EYA2: variants seen among roughly 807,000 people sequenced by gnomAD.
The protein encoded by EYA2 is protein phosphatase EYA2.
A neutral mutation model predicts 69.2 loss-of-function variants in EYA2; 31 were observed. The observed-to-expected ratio is 0.45, with a 90% CI of 0.34 to 0.60. EYA2 has a LOEUF of 0.60. Among genes scored for constraint, EYA2 ranks in the 20% least tolerant of loss-of-function variants. The pLI is 0.02. For synonymous variants in EYA2, 257 were observed against 279.4 expected (o/e 0.92, Z 0.80); for missense variants, 622 against 701.2 (o/e 0.89, Z 1.28).
At position 47,021,160 on chromosome 20, in the gene EYA2, T is replaced by C. The variant is rs6018234; in HGVS notation, c.415+4863T>C. The stretch of plus-strand genomic sequence containing the variant: ...TTATCGTTATTATGATTGACATTGT[T>C]AGCCTCACTTCAGGTTTGATGGGCC... On this transcript the variant is annotated intron_variant, in intron 5 of 15. Coordinates refer to ENST00000327619, the MANE Select transcript of EYA2 (RefSeq NM_005244.5). 7.1e-3 allele frequency among the ~76,000 whole-genome samples: 1,079 copies of C among 152,364 alleles called. 8 individuals carry two copies. The highest frequency in any genetic ancestry group is 0.025 in the African/African-American group (1,024 of 41,590).
chr20:46,913,568 C>T (rs766371145), intron 1 of EYA2, among the ~76,000 whole-genome samples: 5 of 133,238 alleles, frequency 3.8e-5, no homozygotes, highest in South Asian at 2.7e-4. Context: ...GCAGGAAAAC[C>T]GTTAAGAGAC....
chr20:47,125,047 GTTTT>G (rs11478823), intron 9 of EYA2, among the ~76,000 whole-genome samples: 14 of 88,400 alleles, frequency 1.6e-4, no homozygotes, highest in African/African-American at 4.1e-4. Flanking sequence ...TTTTGGTTAA[GTTTT>G]TTTTTTTTTT....
chr20:46,994,964 G>C (rs1021269435), intron 2 of EYA2, among the ~76,000 whole-genome samples: 1 of 151,518 alleles, frequency 6.6e-6, no homozygotes, highest in African/African-American at 2.4e-5. Context: ...GCAGTGGCAC[G>C]ATCTCGGCTC....
intron 1 of EYA2, among the ~76,000 whole-genome samples, chr20:46,969,173 A>G (rs1397580440): frequency 6.6e-6 from 1 of 152,038 alleles, no homozygotes; most frequent in Non-Finnish European, 1.5e-5. Flanking sequence ...TTCCTCCGCT[A>G]CTGGATTGCC....
At chr20:46,968,883 A>G (rs1000310881) in intron 1 of EYA2, among the ~76,000 whole-genome samples, 2 of 151,450 alleles carry the variant, frequency 1.3e-5, no homozygotes, top group African/African-American at 4.9e-5. Flanking sequence ...ACGTTTCTGA[A>G]CCTCTCTTTC....
intron 7 of EYA2, among the ~76,000 whole-genome samples, chr20:47,082,268 T>C (rs1388509602): frequency 1.3e-5 from 2 of 152,168 alleles, no homozygotes; most frequent in Non-Finnish European, 2.9e-5. Flanking sequence ...TTTAACTTAA[T>C]TTAAAATTTT....
At chr20:47,082,837 G>A (rs2031768302) in intron 7 of EYA2, among the ~76,000 whole-genome samples, 1 of 152,186 alleles carries the variant, frequency 6.6e-6, no homozygotes, top group Non-Finnish European at 1.5e-5. Flanking sequence ...TAAAGCCACA[G>A]TACTTAAGAC....
At chr20:47,123,142 T>C (rs2033095456) in intron 9 of EYA2, among the ~76,000 whole-genome samples, 2 of 152,330 alleles carry the variant, frequency 1.3e-5, no homozygotes, top group Admixed American at 1.3e-4. Context: ...AAAGAGTTTT[T>C]GTAGATAAGC....
At chr20:46,922,280 G>C (rs1369088392) in intron 1 of EYA2, among the ~76,000 whole-genome samples, 1 of 152,170 alleles carries the variant, frequency 6.6e-6, no homozygotes, top group Non-Finnish European at 1.5e-5. Context: ...GTAATCAGAA[G>C]AGTTACACTA....
At chr20:46,940,574 T>C (rs1986112004) in intron 1 of EYA2, among the ~76,000 whole-genome samples, 1 of 152,168 alleles carries the variant, frequency 6.6e-6, no homozygotes, top group Admixed American at 6.5e-5. Context: ...ATGATATGGA[T>C]ATCAAAGAAA....
At chr20:47,164,190 C>T (rs941720147) in intron 10 of EYA2, among the ~76,000 whole-genome samples, 6 of 152,156 alleles carry the variant, frequency 3.9e-5, no homozygotes, top group African/African-American at 9.7e-5. Flanking sequence ...GGCCTCTGCG[C>T]GGTCCAGCTC....
chr20:47,067,958 G>A (rs779771402), intron 5 of EYA2, among the ~76,000 whole-genome samples: 8 of 152,006 alleles, frequency 5.3e-5, no homozygotes, highest in African/African-American at 4.8e-5. Context: ...ATTTCCTTCC[G>A]GCCTCCATGG....
In EYA2 at chr20:47,024,117, G is replaced by A. The variant is rs1983940819; in HGVS notation, c.415+7820G>A. On this transcript the variant is annotated intron_variant, in intron 5 of 15. Transcript: ENST00000327619. ...TCCATGTCGAAAATCATATTTTTCT[G>A]CTTCCCTGCATGCCTGATAAGTTTC... 4.6e-5 allele frequency among the ~76,000 whole-genome samples: 7 copies of A among 152,016 alleles called. No homozygotes were observed. The South Asian group carries it at 1.5e-3, about 32-fold the overall frequency.
At chr20:46,926,180 A>C (rs1183656135) in intron 1 of EYA2, among the ~76,000 whole-genome samples, 3 of 152,240 alleles carry the variant, frequency 2.0e-5, no homozygotes, top group African/African-American at 7.2e-5. Flanking sequence ...GGACTAATTA[A>C]CTATTAATTA....
intron 9 of EYA2, among the ~76,000 whole-genome samples, chr20:47,128,133 C>G (rs6018291): frequency 0.56 from 85,201 of 151,976 alleles, 24,258 homozygotes; most frequent in African/African-American, 0.64. Context: ...TCGGGGGCAG[C>G]TAAAATGAGC....
intron 5 of EYA2, among the ~76,000 whole-genome samples, chr20:47,034,564 G>A (rs2146403291): frequency 6.6e-6 from 1 of 152,242 alleles, no homozygotes; most frequent in South Asian, 2.1e-4. Flanking sequence ...GGCGAGGAGG[G>A]ATCCCCAACT....
intron 1 of EYA2, among the ~76,000 whole-genome samples, chr20:46,949,226 C>A (rs6066133): frequency 6.6e-6 from 1 of 152,044 alleles, no homozygotes; most frequent in Non-Finnish European, 1.5e-5. Flanking sequence ...GTTTTAAGTC[C>A]TCTTAGAAAG....
chr20:47,122,096 T>C (rs2033060912), intron 9 of EYA2, among the ~76,000 whole-genome samples: 1 of 152,194 alleles, frequency 6.6e-6, no homozygotes, highest in African/African-American at 2.4e-5. Flanking sequence ...CTGGGCATGC[T>C]GCACCCACAA....
At chr20:46,963,367 A>G (rs971412610) in intron 1 of EYA2, among the ~76,000 whole-genome samples, 4 of 152,218 alleles carry the variant, frequency 2.6e-5, no homozygotes, top group African/African-American at 9.6e-5. Flanking sequence ...CAGTCGTCAA[A>G]AAAGAAATGT....
Sources: gnomAD v4.1 joint callset for allele counts (sites outside exome capture counted in the v4.1 genomes callset) on GRCh38, gnomAD v4.1.1 for gene constraint, MANE v1.5 for transcripts, NCBI Gene and HGNC (gene_info 2026-07-23, HGNC 2026-07-21) for gene names.